Variants in PHKA1 observed in about 807,000 individuals in gnomAD.
The protein encoded by PHKA1 is phosphorylase b kinase regulatory subunit alpha, skeletal muscle isoform.
Under a neutral mutation model 110.2 loss-of-function variants are expected in PHKA1, and 60 were observed. The ratio of observed to expected loss-of-function variants is 0.54; its 90% confidence interval spans 0.44 to 0.68. PHKA1 has a LOEUF of 0.68. Among genes scored for constraint, PHKA1 ranks in the 30% least tolerant of loss-of-function variants. PHKA1 has a pLI of 0.00. For missense variants in PHKA1, 801 were observed against 942.5 expected, an observed-to-expected ratio of 0.85 and a Z score of 1.97; for synonymous variants, 316 against 333.6, an observed-to-expected ratio of 0.95 and a Z score of 0.58.
At chrX:72,611,225 G>C (rs1556260385) in intron 21 of PHKA1, 41 bp from the exon 22 acceptor site, 4 of 1,076,618 alleles carry the variant, frequency 3.7e-6, no homozygotes, top group Non-Finnish European at 5.2e-6. Context: ...TTTAAGTAAA[G>C]CTTCTGGCAA....
chrX:72,669,257 T>C (rs953989045), intron 6 of PHKA1, among the ~76,000 whole-genome samples: 10 of 111,845 alleles, frequency 8.9e-5, no homozygotes, highest in African/African-American at 2.9e-4. Flanking sequence ...TGCAACCCCA[T>C]GTTTCTGCTT....
chrX:72,636,430 A>G, intron 14 of PHKA1, 44 bp from the exon 15 acceptor site: 1 of 793,616 alleles, frequency 1.3e-6, no homozygotes, highest in Non-Finnish European at 1.9e-6. Context: ...CTAGAGCACA[A>G]ATCAAATCAG....
chrX:72,596,289 TG>T (rs2052588519), intron 28 of PHKA1, among the ~76,000 whole-genome samples: 1 of 111,097 alleles, frequency 9.0e-6, no homozygotes. Context: ...TGTCAGGGGC[TG>T]GGTAGAGGGG....
At chrX:72,598,416 A>G (rs1015310487) in intron 28 of PHKA1, among the ~76,000 whole-genome samples, 12 of 111,816 alleles carry the variant, frequency 1.1e-4, no homozygotes, top group African/African-American at 3.6e-4. Context: ...GGAATGTAAA[A>G]TGGTGCAGCC....
chrX:72,678,753 G>T lies in PHKA1; in HGVS notation c.538-2603C>A, dbSNP rs1382395078. On this transcript the variant is annotated intron_variant, in intron 5 of 31. Transcript: ENST00000373542. ...ACTAAAAAACTATTTATAACATAAT[G>T]GTTTTCAATACAATGAACACTACAC... 3.6e-5 allele frequency among the ~76,000 whole-genome samples: 4 copies of T among 112,096 alleles called. No homozygotes were observed. The Admixed American group carries it at 3.8e-4, about 11-fold the overall frequency.
intron 2 of PHKA1, chrX:72,712,448 G>A (rs2054397784): frequency 1.2e-5 from 3 of 257,034 alleles, no homozygotes; most frequent in Non-Finnish European, 2.1e-5. Flanking sequence ...TTTTCTCAAT[G>A]AGAATAAATA....
intron 31 of PHKA1, 51 bp from the exon 32 acceptor site, chrX:72,581,226 A>G (rs782606414): frequency 3.2e-5 from 26 of 807,242 alleles, no homozygotes; most frequent in Non-Finnish European, 4.5e-5. Flanking sequence ...AAAATTACCA[A>G]TCTTACTAAG....
intron 8 of PHKA1, among the ~76,000 whole-genome samples, chrX:72,658,255 C>G (rs958606836): frequency 9.1e-6 from 1 of 110,495 alleles, no homozygotes; most frequent in African/African-American, 3.3e-5. Flanking sequence ...GTCAGGAGTT[C>G]GAGACCAGCC....
chrX:72,673,084 A>AT (rs369859370), intron 6 of PHKA1, among the ~76,000 whole-genome samples: 2,919 of 105,413 alleles, frequency 0.028, 36 homozygotes, highest in Non-Finnish European at 0.043. Flanking sequence ...GATCAAAAGG[A>AT]TTTTTTTTTT....
At chrX:72,652,257 C>G (rs2053439245) in intron 12 of PHKA1, among the ~76,000 whole-genome samples, 1 of 111,250 alleles carries the variant, frequency 9.0e-6, no homozygotes, top group South Asian at 3.8e-4. Context: ...CCAGGCAGGG[C>G]ACTGAGGGAA....
intron 2 of PHKA1, among the ~76,000 whole-genome samples, chrX:72,708,877 T>A (rs948240319): frequency 1.8e-5 from 2 of 111,981 alleles, no homozygotes; most frequent in Non-Finnish European, 3.8e-5. Context: ...AGTCCCAAAC[T>A]TAGTTGGCCT....
chrX:72,635,322 A>G, intron 15 of PHKA1, 23 bp from the exon 16 acceptor site: 2 of 1,164,957 alleles, frequency 1.7e-6, no homozygotes, highest in African/African-American at 3.5e-5. Flanking sequence ...AAAATAATAG[A>G]TTAGATTAAT....
In PHKA1 at chrX:72,673,013, C is replaced by T. The variant is rs189505496; in HGVS notation, c.618+3057G>A. 1.3e-4 allele frequency among the ~76,000 whole-genome samples: 15 copies of T among 111,419 alleles called. No homozygotes were observed. In the South Asian group the frequency reaches 1.9e-3, roughly 14 times the overall value. ...GTAAGGACTGAGGCACTGTTTCAGA[C>T]GGAAGAAGCCTAAAGAGACATTACA... On this transcript the variant is annotated intron_variant, in intron 6 of 31. Transcript: ENST00000373542.
At chrX:72,623,361 C>G in intron 17 of PHKA1, 86 bp from the exon 18 acceptor site, 1 of 766,086 alleles carries the variant, frequency 1.3e-6, no homozygotes, top group Non-Finnish European at 2.0e-6. Context: ...GGACACCTAA[C>G]ATGTTTTGTT....
At position 72,604,609 on chromosome X, in the gene PHKA1, T is replaced by C. The variant is rs533562137; in HGVS notation, c.2815+662A>G. On this transcript the variant is annotated intron_variant, in intron 25 of 31. Transcript: ENST00000373542. The stretch of plus-strand genomic sequence containing the variant: ...TTGAGTTTTACAACTTTGATTTTAT[T>C]TTTCTATGCCATCCCTATCTGTATT... Among the ~76,000 whole-genome samples the C allele has an allele frequency of 4.5e-5, 5 of 111,611 alleles. No individual in the cohort carries two copies. In the South Asian group the frequency reaches 1.9e-3, roughly 42 times the overall value.
At chrX:72,681,119 G>A in intron 5 of PHKA1, among the ~76,000 whole-genome samples, 1 of 79,197 alleles carries the variant, frequency 1.3e-5, no homozygotes, top group East Asian at 4.3e-4. Flanking sequence ...TAGGAAGTGA[G>A]GAGCGTCTCT....
In PHKA1 at chrX:72,581,179, T is replaced by G. The variant is rs1242775906; in HGVS notation, c.3499-4A>C. On this transcript the variant is annotated splice_polypyrimidine_tract_variant and splice_region_variant and intron_variant, in intron 31 of 31. Coordinates refer to ENST00000373542, the MANE Select transcript of PHKA1 (RefSeq NM_002637.4). ...TATCATCTGCGCCAAGGGTTTTCTG[T>G]TTGGTTTTTAAGGGTAGAAGAACAT... 1 of 1,171,707 alleles carries G rather than the reference T, an allele frequency of 8.5e-7. No homozygotes were observed. Among genetic ancestry groups the G allele is most frequent in the Non-Finnish European group, 1.2e-6 (1 of 860,808 alleles).
intron 3 of PHKA1, among the ~76,000 whole-genome samples, chrX:72,704,706 C>T (rs1434787118): frequency 1.8e-5 from 2 of 111,050 alleles, no homozygotes; most frequent in South Asian, 3.9e-4. Context: ...ACTTCACCCC[C>T]GCTAACCCCA....
At chrX:72,702,895 G>A (rs2054225820) in intron 3 of PHKA1, among the ~76,000 whole-genome samples, 1 of 111,398 alleles carries the variant, frequency 9.0e-6, no homozygotes, top group Admixed American at 9.5e-5. Context: ...TGCCTCCTTT[G>A]GAAAGACTTA....
Sources: gnomAD v4.1 joint callset for allele counts (sites outside exome capture counted in the v4.1 genomes callset) on GRCh38, gnomAD v4.1.1 for gene constraint, MANE v1.5 for transcripts, NCBI Gene and HGNC (gene_info 2026-07-23, HGNC 2026-07-21) for gene names.